The following SPPL3 variants were observed in gnomAD, a reference collection of about 807,000 sequenced individuals.
The protein encoded by SPPL3 is signal peptide peptidase like 3.
Under a neutral mutation model 42.4 loss-of-function variants are expected in SPPL3, and 5 were observed. The observed-to-expected ratio is 0.12, with a 90% CI of 0.06 to 0.25. The LOEUF (loss-of-function observed/expected upper bound fraction) is 0.25. Ranked by LOEUF, SPPL3 falls within the 10% of genes least tolerant of loss-of-function variation. SPPL3 has a pLI of 1.00. For missense variants in SPPL3, 235 were observed against 489.0 expected, an observed-to-expected ratio of 0.48 and a Z score of 4.90; for synonymous variants, 195 against 181.8, an observed-to-expected ratio of 1.07 and a Z score of -0.58.
intron 1 of SPPL3, among the ~76,000 whole-genome samples, chr12:120,825,006 AC>A (rs928882833): frequency 6.6e-6 from 1 of 151,736 alleles, no homozygotes; most frequent in Non-Finnish European, 1.5e-5. Context: ...CATGCCCCCC[AC>A]CCCCAGTCCC....
intron 1 of SPPL3, among the ~76,000 whole-genome samples, chr12:120,847,573 C>T (rs1188183774): frequency 2.6e-5 from 4 of 152,082 alleles, no homozygotes; most frequent in Admixed American, 1.3e-4. Context: ...GGATTACAGG[C>T]GTGAGTCACC....
intron 1 of SPPL3, among the ~76,000 whole-genome samples, chr12:120,847,857 G>C (rs1736579708): frequency 6.6e-6 from 1 of 152,018 alleles, no homozygotes; most frequent in Admixed American, 6.6e-5. Flanking sequence ...AATCACCCTG[G>C]GTGTGTCCCC....
intron 1 of SPPL3, among the ~76,000 whole-genome samples, chr12:120,881,465 C>CAAAAAAAAA (rs374467556): frequency 1.9e-5 from 1 of 52,994 alleles, no homozygotes; most frequent in African/African-American, 8.6e-5. Flanking sequence ...GAGACTGCCT[C>CAAAAAAAAA]AAAAAAAAAA....
chr12:120,792,146 G>A (rs1451799969), intron 2 of SPPL3, among the ~76,000 whole-genome samples: 1 of 152,196 alleles, frequency 6.6e-6, no homozygotes, highest in East Asian at 1.9e-4. Context: ...AGGTGCTAAG[G>A]AGGAAAACTA....
At chr12:120,803,623 A>G (rs1870399028) in intron 2 of SPPL3, among the ~76,000 whole-genome samples, 1 of 152,164 alleles carries the variant, frequency 6.6e-6, no homozygotes, top group Non-Finnish European at 1.5e-5. Flanking sequence ...GAGTACAATG[A>G]AGCGGGGACT....
intron 6 of SPPL3, 78 bp from the exon 7 acceptor site, chr12:120,769,137 T>C: frequency 8.7e-7 from 1 of 1,145,484 alleles, no homozygotes; most frequent in Non-Finnish European, 1.3e-6. Flanking sequence ...GCTATGGCCC[T>C]TCACAGAGTT....
intron 9 of SPPL3, among the ~76,000 whole-genome samples, chr12:120,767,095 T>C (rs1160895020): frequency 1.3e-5 from 2 of 152,202 alleles, no homozygotes; most frequent in Non-Finnish European, 2.9e-5. Context: ...ACGACAGTCA[T>C]TCAACTCTAG....
At chr12:120,799,374 C>G (rs1404210693) in intron 2 of SPPL3, among the ~76,000 whole-genome samples, 2 of 152,140 alleles carry the variant, frequency 1.3e-5, no homozygotes, top group East Asian at 3.8e-4. Context: ...ATCATACTGC[C>G]TTTGTACCAT....
chr12:120,771,827 G>A lies in SPPL3; in HGVS notation c.503-2768C>T, dbSNP rs372417037. On this transcript the variant is annotated intron_variant, in intron 6 of 10. Transcript: ENST00000353487. ...ACTGTACAGCCCAAGCCCTCAACAC[G>A]CATTCCTGTGGCTCTGTTTTCTAGA... Among the ~76,000 whole-genome samples, 19 of 152,314 alleles carry A rather than the reference G, an allele frequency of 1.2e-4. No homozygotes were observed. In the South Asian group the frequency reaches 2.7e-3, roughly 22 times the overall value.
chr12:120,900,537 A>G (rs1151855), intron 1 of SPPL3, among the ~76,000 whole-genome samples: 135,407 of 150,260 alleles, frequency 0.9, 61,879 homozygotes, highest in East Asian at 1. Flanking sequence ...CCCTGGAGGC[A>G]CTGCTGTGAT....
chr12:120,873,220 G>A lies in SPPL3; in HGVS notation c.23+30625C>T, dbSNP rs537145415. On this transcript the variant is annotated intron_variant, in intron 1 of 10. Coordinates refer to ENST00000353487, the MANE Select transcript of SPPL3 (RefSeq NM_139015.5). ...ACAGCAGATGAGACCCCCTGCAGAA[G>A]GAAAGATGGTTTAACTTGAAGACAC... 4.5e-4 allele frequency among the ~76,000 whole-genome samples: 69 copies of A among 152,216 alleles called. No individual in the cohort carries two copies. In the East Asian group the frequency reaches 5.8e-3, roughly 13 times the overall value.
intron 1 of SPPL3, among the ~76,000 whole-genome samples, chr12:120,841,871 A>G (rs137914835): frequency 6.6e-6 from 1 of 152,314 alleles, no homozygotes; most frequent in African/African-American, 2.4e-5. Flanking sequence ...ATAAGCATCA[A>G]TATAACATAG....
rs149707030 is a variant in SPPL3 at position 120,813,318 on chromosome 12, C to CTTT, written c.24-2435_24-2433dup. Among the ~76,000 whole-genome samples, 247 of 134,268 alleles carry CTTT rather than the reference C, an allele frequency of 1.8e-3. 2 individuals are homozygous for CTTT. The highest frequency in any genetic ancestry group is 5.7e-3 in the African/African-American group (203 of 35,698). The allele number at this position is 134,268 out of a possible 152,430, so 88.1% of individuals were successfully genotyped here. A position where few individuals can be genotyped will look rare whatever the true frequency, so the allele number is the denominator to read the frequency against. On this transcript the variant is annotated intron_variant, in intron 1 of 10. Coordinates refer to ENST00000353487, the MANE Select transcript of SPPL3 (RefSeq NM_139015.5). ...TAATGGCAGGCTTTTGGATCCTCAG[C>CTTT]TTTTTTTTTTTTTTTTGAGACGGAG...
chr12:120,762,594 CTTTTTTTTT>C lies in SPPL3; in HGVS notation c.*2396_*2404del, dbSNP rs34949455. 1 of 132,460 alleles carries C rather than the reference CTTTTTTTTT, an allele frequency of 7.5e-6. No homozygotes were observed. Among genetic ancestry groups the C allele is most frequent in the African/African-American group, 2.8e-5 (1 of 35,850 alleles). 8.2% of individuals were successfully genotyped at this position (132,460 alleles called of 1,614,324 possible). On this transcript the variant is annotated 3_prime_UTR_variant, in exon 11 of 11. Transcript: ENST00000353487. ...TGACCCACTGCCAGGATAACATTTC[CTTTTTTTTT>C]TTTTTTTTGAGATGGAGTCTCACCC...
intron 2 of SPPL3, among the ~76,000 whole-genome samples, chr12:120,798,231 T>A (rs1870171987): frequency 6.6e-6 from 1 of 152,122 alleles, no homozygotes; most frequent in South Asian, 2.1e-4. Flanking sequence ...GGGGTTTTTT[T>A]ATTTTAAAAA....
At position 120,766,641 on chromosome 12, in the gene SPPL3, C is replaced by T. The variant is rs185644810; in HGVS notation, c.974-269G>A. 1.7e-3 allele frequency among the ~76,000 whole-genome samples: 251 copies of T among 147,394 alleles called. 1 individual carries two copies. Among genetic ancestry groups the T allele is most frequent in the African/African-American group, 5.7e-3 (234 of 41,308 alleles). ...ACCCTCCTTCCAGCTCCAAGTGTGC[C>T]TCTGTCTCCTGTGATGCTGGACTTG... is the stretch of plus-strand genomic sequence containing the variant. On this transcript the variant is annotated intron_variant, in intron 9 of 10. Transcript: ENST00000353487.
rs776157457 is a variant in SPPL3 at position 120,810,873 on chromosome 12, C to G, written c.37G>C (p.Val13Leu). The G allele has an allele frequency of 6.2e-7, 1 of 1,612,814 alleles. No individual in the cohort carries two copies. The highest frequency in any genetic ancestry group is 1.3e-5 in the African/African-American group (1 of 74,872). ...AATGTAGACACTTGACTGGAATCCA[C>G]CAGGGAATAGGCCCTAGAGAAATAA... ...EQTYSWAYSLVDSSQVSTFLI... is the reference protein window; with the variant it reads ...EQTYSWAYSLLDSSQVSTFLI... The change falls in exon 2 of 11, where the codon GTG (valine) becomes CTG (leucine). Residue 13 changes from valine to leucine, a missense_variant. Physicochemically the swap from Val to Leu is conservative, Grantham distance 32. Around this residue, in one of 6 missense-constraint regions of SPPL3, gnomAD observed 110 missense variants for 186.2 expected, o/e 0.59. Coordinates refer to ENST00000353487, the MANE Select transcript of SPPL3 (RefSeq NM_139015.5).
In SPPL3 at chr12:120,775,649, C is replaced by T. The variant is rs78499038; in HGVS notation, c.503-6590G>A. ...TCCTTGATCACTAGGGGTGTGTACT[C>T]AATATTCATCAGCTTTTAGCTAACA... On this transcript the variant is annotated intron_variant, in intron 6 of 10. Transcript: ENST00000353487. Among the ~76,000 whole-genome samples, 900 of 152,256 alleles carry T rather than the reference C, an allele frequency of 5.9e-3. 11 individuals are homozygous for T. The highest frequency in any genetic ancestry group is 0.02 in the African/African-American group (815 of 41,530).
chr12:120,884,160 G>A (rs528045810), intron 1 of SPPL3, among the ~76,000 whole-genome samples: 1 of 151,522 alleles, frequency 6.6e-6, no homozygotes, highest in Non-Finnish European at 1.5e-5. Flanking sequence ...GCAAAGGGAT[G>A]GTAAACAAAA....
Sources: allele counts gnomAD v4.1 joint callset (sites outside exome capture counted in the v4.1 genomes callset), GRCh38; gene constraint gnomAD v4.1.1; regional missense constraint gnomAD v4.1.1; transcripts MANE v1.5; gene names NCBI Gene and HGNC (gene_info 2026-07-23, HGNC 2026-07-21).